Variants in CEP63 observed in about 807,000 individuals in gnomAD.
CEP63 encodes centrosomal protein of 63 kDa.
In CEP63, 84 loss-of-function variants were observed where a neutral mutation model predicts 89.1. The ratio of observed to expected loss-of-function variants is 0.94; its 90% CI spans 0.79 to 1.13. The LOEUF (loss-of-function observed/expected upper bound fraction) is 1.13. CEP63 is among the 50% of genes most tolerant of loss of function. The pLI, the probability that CEP63 is intolerant of heterozygous loss-of-function variation, is 0.00. For synonymous variants in CEP63, 267 were observed against 272.5 expected (o/e 0.98, Z 0.20); for missense variants, 838 against 813.3 (o/e 1.03, Z -0.37).
Position 134,561,900 on chromosome 3 carries a change from C to A in CEP63, c.*365C>A. On this transcript the variant is annotated 3_prime_UTR_variant, in exon 15 of 15. Coordinates refer to ENST00000675561, the MANE Select transcript of CEP63 (RefSeq NM_001353108.3). ...AAAATAAAGTAACTGCAGGAACTTT[C>A]TTTAGGGGAAATGTGTAGAAGCATG... 9.4e-7 allele frequency: 1 copy of A among 1,067,894 alleles called. No individual in the cohort carries two copies. Among genetic ancestry groups the A allele is most frequent in the Non-Finnish European group, 1.1e-6 (1 of 879,412 alleles). The allele number at this position is 1,067,894 out of a possible 1,614,324, so 66.2% of individuals were successfully genotyped here. A position where few individuals can be genotyped will look rare whatever the true frequency, so the allele number is the denominator to read the frequency against.
chr3:134,723,927 C>A, the CEP63 span, among the ~76,000 whole-genome samples: 24 of 152,198 alleles, frequency 1.6e-4, no homozygotes, highest in African/African-American at 5.8e-4. Flanking sequence ...CAATAATTGA[C>A]AACCACCACC....
At chr3:134,674,741 T>G in the CEP63 span, among the ~76,000 whole-genome samples, 1 of 152,170 alleles carries the variant, frequency 6.6e-6, no homozygotes. Flanking sequence ...ACAAGATCAA[T>G]ATATAAAAAT....
At chr3:134,705,946 G>A in the CEP63 span, among the ~76,000 whole-genome samples, 4 of 152,122 alleles carry the variant, frequency 2.6e-5, no homozygotes, top group African/African-American at 9.7e-5. Flanking sequence ...TCATAGAATT[G>A]ATTATAAACC....
At chr3:134,696,553 A>G in the CEP63 span, among the ~76,000 whole-genome samples, 3 of 152,222 alleles carry the variant, frequency 2.0e-5, no homozygotes, top group East Asian at 5.8e-4. Flanking sequence ...GAAGTAGTAT[A>G]TGATCACTGT....
At chr3:134,767,079 C>T in the CEP63 span, among the ~76,000 whole-genome samples, 14 of 152,130 alleles carry the variant, frequency 9.2e-5, no homozygotes, top group Non-Finnish European at 8.8e-5. Context: ...GTCTGCACTC[C>T]AGCCCTCCTA....
chr3:134,710,994 A>G, the CEP63 span, among the ~76,000 whole-genome samples: 1 of 152,254 alleles, frequency 6.6e-6, no homozygotes, highest in Non-Finnish European at 1.5e-5. Flanking sequence ...TGCTGGGATT[A>G]CAGGCTTGAG....
chr3:134,694,870 A>G, the CEP63 span, among the ~76,000 whole-genome samples: 1 of 152,196 alleles, frequency 6.6e-6, no homozygotes, highest in Non-Finnish European at 1.5e-5. Context: ...ATAGAGAACC[A>G]AGCGTTTGCT....
At chr3:134,586,427 G>C (rs1477690995) in intron 10 of CEP63, among the ~76,000 whole-genome samples, 1 of 152,100 alleles carries the variant, frequency 6.6e-6, no homozygotes, top group Non-Finnish European at 1.5e-5. Flanking sequence ...GTCTGTAAAG[G>C]ATTTTATTTC....
chr3:134,529,152 G>A (rs1373306628), intron 3 of CEP63, among the ~76,000 whole-genome samples: 1 of 151,960 alleles, frequency 6.6e-6, no homozygotes, highest in African/African-American at 2.4e-5. Context: ...TTTTAGTATA[G>A]TATACTTTTT....
At chr3:134,764,612 G>T in the CEP63 span, among the ~76,000 whole-genome samples, 1 of 152,126 alleles carries the variant, frequency 6.6e-6, no homozygotes, top group East Asian at 1.9e-4. Flanking sequence ...CCGGTGAATT[G>T]ACACCTTCCC....
chr3:134,486,591 C>T (rs1935492233), intron 1 of CEP63: 1 of 902,436 alleles, frequency 1.1e-6, no homozygotes, highest in Non-Finnish European at 1.3e-6. Flanking sequence ...ACTCACCTTC[C>T]CCGGCGGACC....
At position 134,536,871 on chromosome 3, in the gene CEP63, A is replaced by T. The variant is rs143787132; in HGVS notation, c.442-284A>T. Reference sequence around the variant, plus strand: ...ATTATAACAACCCTTAGGTGGCAGCAAATCAGTGAAAAACATCTGAATCCA... The same window carrying T: ...ATTATAACAACCCTTAGGTGGCAGCTAATCAGTGAAAAACATCTGAATCCA... On this transcript the variant is annotated intron_variant, in intron 5 of 14. Coordinates refer to ENST00000675561, the MANE Select transcript of CEP63 (RefSeq NM_001353108.3). 38 of 401,038 alleles carry T rather than the reference A, an allele frequency of 9.5e-5. No homozygotes were observed. In the East Asian group the frequency reaches 2.0e-3, roughly 21 times the overall value. 24.8% of individuals were successfully genotyped at this position (401,038 alleles called of 1,614,324 possible).
chr3:134,519,130 T>G (rs1946865636), intron 3 of CEP63, among the ~76,000 whole-genome samples: 2 of 152,196 alleles, frequency 1.3e-5, no homozygotes, highest in South Asian at 2.1e-4. Flanking sequence ...AAATTGATTT[T>G]TTTTTTGTTT....
chr3:134,544,850 A>G (rs370383852), intron 6 of CEP63, among the ~76,000 whole-genome samples: 36 of 151,662 alleles, frequency 2.4e-4, no homozygotes, highest in African/African-American at 8.7e-4. Context: ...ATTCTTTTCT[A>G]TTTATTTATT....
chr3:134,659,194 G>A, the CEP63 span, among the ~76,000 whole-genome samples: 2 of 152,326 alleles, frequency 1.3e-5, no homozygotes, highest in East Asian at 3.9e-4. Context: ...AATGCCAAGA[G>A]AGGTATCCAG....
chr3:134,669,755 G>C, the CEP63 span, among the ~76,000 whole-genome samples: 6 of 152,176 alleles, frequency 3.9e-5, no homozygotes, highest in African/African-American at 1.4e-4. Context: ...AATAGAGCCA[G>C]TACATGTTAA....
the CEP63 span, among the ~76,000 whole-genome samples, chr3:134,721,911 G>A: frequency 6.6e-6 from 1 of 152,034 alleles, no homozygotes; most frequent in Non-Finnish European, 1.5e-5. Context: ...ATTTATAAGA[G>A]ATCTTGTTCT....
At chr3:134,609,273 C>T in the CEP63 span, among the ~76,000 whole-genome samples, 2 of 152,210 alleles carry the variant, frequency 1.3e-5, no homozygotes, top group Non-Finnish European at 2.9e-5. Flanking sequence ...CCTTTTGTGG[C>T]TCTCCAGGGC....
At chr3:134,736,428 T>C in the CEP63 span, among the ~76,000 whole-genome samples, 38,035 of 151,992 alleles carry the variant, frequency 0.25, 5,059 homozygotes, top group African/African-American at 0.34. Context: ...TATATAATTA[T>C]CTACATAAAA....
Sources: gnomAD v4.1 joint callset for allele counts (sites outside exome capture counted in the v4.1 genomes callset) on GRCh38, gnomAD v4.1.1 for gene constraint, MANE v1.5 for transcripts, NCBI Gene and HGNC (gene_info 2026-07-23, HGNC 2026-07-21) for gene names.